Variants in DNHD1 observed in about 807,000 individuals in gnomAD.
The protein encoded by DNHD1 is dynein heavy chain domain 1.
DNHD1 carries 383 observed loss-of-function variants against 458.1 expected under a neutral mutation model. The observed-to-expected ratio is 0.84, with a 90% CI of 0.77 to 0.91. The LOEUF (loss-of-function observed/expected upper bound fraction) is 0.91, where lower values mean the gene tolerates loss of function less well. DNHD1 is among the 40% of genes least tolerant of loss of function. The pLI is 0.00. For synonymous variants in DNHD1, 2,203 were observed against 2,376.9 expected (o/e 0.93, Z 2.13); for missense variants, 5,336 against 5,866.1 (o/e 0.91, Z 2.95).
At position 6,545,139 on chromosome 11, in the gene DNHD1, AACTGGTGAGAAAAAC is replaced by A; in HGVS notation, c.4203_4217del (p.Gly1402_Thr1406del). The A allele has an allele frequency of 6.4e-7, 1 of 1,552,164 alleles. No homozygotes were observed. Among genetic ancestry groups the A allele is most frequent in the Non-Finnish European group, 8.7e-7 (1 of 1,147,106 alleles). ...ATGCTGTGAGCTTCAGGTCTTGCCC[AACTGGTGAGAAAAAC>A]ACAGATGACTGGGAGTCAAGCCCAA... On this transcript the variant is annotated inframe_deletion, in exon 21 of 43. Transcript: ENST00000254579. The surrounding 1 kb of genome is among the most constrained non-coding windows in gnomAD (Gnocchi z 4.9).
At chr11:6,551,301 A>G (rs1488510132) in intron 24 of DNHD1, among the ~76,000 whole-genome samples, 4 of 152,206 alleles carry the variant, frequency 2.6e-5, no homozygotes, top group African/African-American at 9.7e-5. Flanking sequence ...AAAACAAAAC[A>G]TATCAAAATT....
Position 6,547,132 on chromosome 11 carries a change from T to C in DNHD1, c.6193T>C (p.Cys2065Arg). Residue 2065 changes from cysteine (C) to arginine (R), a missense_variant, in exon 21 of 43, where the codon TGT becomes CGT. By Grantham distance (180) the Cys-to-Arg change is radical. Around this residue, in one of 4 missense-constraint regions of DNHD1, gnomAD observed 3,932 missense variants for 4,365.6 expected, o/e 0.90. Coordinates refer to ENST00000254579, the MANE Select transcript of DNHD1 (RefSeq NM_144666.3). ...FPKVLRAAGQCNNMGQKRQTE... is the reference protein window; with the variant it reads ...FPKVLRAAGQRNNMGQKRQTE... ...CAAGGTACTTCGTGCAGCCGGTCAG[T>C]GTAACAACATGGGCCAAAAGAGGCA... The C allele has an allele frequency of 6.4e-7, 1 of 1,551,694 alleles. No individual in the cohort carries two copies. Among genetic ancestry groups the C allele is most frequent in the Non-Finnish European group, 8.7e-7 (1 of 1,146,984 alleles).
In DNHD1 at chr11:6,557,576, A is replaced by C; in HGVS notation, c.8281A>C (p.Lys2761Gln). The C allele has an allele frequency of 6.4e-7, 1 of 1,551,788 alleles. No individual in the cohort carries two copies. Among genetic ancestry groups the C allele is most frequent in the Non-Finnish European group, 8.7e-7 (1 of 1,146,994 alleles). The change falls in exon 25 of 43, where the codon AAG (lysine) becomes CAG (glutamine). Residue 2761 changes from lysine to glutamine, a missense_variant. By Grantham distance (53) the Lys-to-Gln change is moderately conservative (BLOSUM62 1). This residue lies in a region of DNHD1 where 3,932 missense variants were observed against 4,365.6 expected (regional missense o/e 0.90). Transcript: ENST00000254579. ...PSIGPVSRGM[K>Q]ESISHKIRQE... ...CATAGGACCAGTAAGCAGGGGGATG[A>C]AGGAAAGCATAAGTCACAAGATAAG...
At position 6,544,630 on chromosome 11, in the gene DNHD1, G is replaced by C. The variant is rs1215834429; in HGVS notation, c.3811G>C (p.Val1271Leu). Residue 1271 changes from valine to leucine, a missense_variant, in exon 20 of 43, where the codon GTT becomes CTT. By Grantham distance (32) the Val-to-Leu change is conservative (BLOSUM62 1). Transcript: ENST00000254579. ...GCAGAAGTGGATTTTTCTGAATAAA[G>C]TTCTGCATGAGATGAAGATCCAGTT... ...FQQKWIFLNK[V>L]LHEMKIQFPN... 1 of 1,551,594 alleles carries C rather than the reference G, an allele frequency of 6.4e-7. No individual in the cohort carries two copies. The highest frequency in any genetic ancestry group is 2.4e-5 in the East Asian group (1 of 40,914).
At position 6,545,752 on chromosome 11, in the gene DNHD1, CTCAAG is replaced by C. The variant is rs1853198936; in HGVS notation, c.4815_4819del (p.Lys1606SerfsTer17). On this transcript the variant is annotated frameshift_variant, in exon 21 of 43. Transcript: ENST00000254579. This position sits in a 1 kb window ranked among gnomAD's most constrained non-coding sequence, Gnocchi z 4.9. ...CACAGACTTTCACTGGGTCCGCCAA[CTCAAG>C]TATCACTTGGGTTCACCTCACATAA... The C allele has an allele frequency of 1.3e-6, 2 of 1,551,644 alleles. No individual in the cohort carries two copies. Among genetic ancestry groups the C allele is most frequent in the Admixed American group, 2.0e-5 (1 of 50,996 alleles).
chr11:6,562,310 G>A (rs1287633119), intron 28 of DNHD1, among the ~76,000 whole-genome samples: 3 of 152,142 alleles, frequency 2.0e-5, no homozygotes, highest in South Asian at 2.1e-4. Context: ...AGCTGAGGAC[G>A]CATAACCAAT....
chr11:6,538,434 A>C lies in DNHD1; in HGVS notation c.3050A>C (p.Gln1017Pro). The change falls in exon 15 of 43, where the codon CAG becomes CCG. Residue 1017 changes from glutamine to proline, a missense_variant. Gln to Pro is a moderately conservative substitution (Grantham distance 76, BLOSUM62 -1). This residue lies in a region of DNHD1 where 3,932 missense variants were observed against 4,365.6 expected (regional missense o/e 0.90). Transcript: ENST00000254579. ...LPICGTRPIV[Q>P]QQRIWHLYRV... is the part of the protein sequence containing the mutation. The stretch of plus-strand genomic sequence containing the variant: ...ATCTGTGGGACACGTCCTATTGTGC[A>C]GCAGCAGCGCATATGGCACCTGTAC... 6.4e-7 allele frequency: 1 copy of C among 1,551,762 alleles called. No homozygotes were observed.
chr11:6,569,017 G>A (rs1330999611), intron 39 of DNHD1, 151 bp downstream of exon 39: 1 of 563,002 alleles, frequency 1.8e-6, no homozygotes, highest in Admixed American at 6.4e-5. Context: ...CAAAGACTTT[G>A]AGATTTTACT....
intron 14 of DNHD1, among the ~76,000 whole-genome samples, chr11:6,537,521 T>C (rs1852979361): frequency 6.7e-6 from 1 of 149,566 alleles, no homozygotes; most frequent in Non-Finnish European, 1.5e-5. Flanking sequence ...CTGTAGTATA[T>C]AAGAAAGTGA....
intron 3 of DNHD1, among the ~76,000 whole-genome samples, chr11:6,499,862 G>A (rs1852100131): frequency 6.6e-6 from 1 of 151,452 alleles, no homozygotes; most frequent in African/African-American, 2.4e-5. Flanking sequence ...CACTGCGCCC[G>A]GCCCTATTGT....
intron 28 of DNHD1, among the ~76,000 whole-genome samples, chr11:6,562,029 G>C (rs571268539): frequency 6.6e-6 from 1 of 152,358 alleles, no homozygotes; most frequent in African/African-American, 2.4e-5. Flanking sequence ...GGAATAAAAG[G>C]AGGGAAGTAA....
chr11:6,543,285 C>A (rs1197116755), intron 18 of DNHD1, among the ~76,000 whole-genome samples: 1 of 152,182 alleles, frequency 6.6e-6, no homozygotes, highest in African/African-American at 2.4e-5. Context: ...TACCTCATTT[C>A]CAGCCCTAGT....
Position 6,563,055 on chromosome 11 carries a change from A to G in DNHD1, c.9593A>G (p.His3198Arg). 6.4e-7 allele frequency: 1 copy of G among 1,551,668 alleles called. No individual in the cohort carries two copies. Among genetic ancestry groups the G allele is most frequent in the Non-Finnish European group, 8.7e-7 (1 of 1,146,992 alleles). ...AAGCAGCAGCTGGAAGAGTGTCGGC[A>G]TCAAGAGAACCTCATTGAGAACCTG... is the stretch of plus-strand genomic sequence containing the variant. ...LYKQQLEECRHQENLIENLAR... is the reference protein window; with the variant it reads ...LYKQQLEECRRQENLIENLAR... Residue 3198 changes from histidine to arginine, a missense_variant, in exon 29 of 43, where the codon CAT becomes CGT. This residue lies in a region of DNHD1 where 3,932 missense variants were observed against 4,365.6 expected (regional missense o/e 0.90). Transcript: ENST00000254579.
rs140872512 is a variant in DNHD1 at position 6,498,331 on chromosome 11, A to G, written c.116A>G (p.Gln39Arg). 1.3e-3 allele frequency: 2,170 copies of G among 1,614,246 alleles called. 9 individuals are homozygous for G. Among genetic ancestry groups the G allele is most frequent in the South Asian group, 7.6e-3 (689 of 91,092 alleles). Residue 39 changes from glutamine (Q) to arginine (R), a missense_variant, in exon 3 of 43, where the codon CAG becomes CGG. Physicochemically the swap from Gln to Arg is conservative, Grantham distance 43. Coordinates refer to ENST00000254579, the MANE Select transcript of DNHD1 (RefSeq NM_144666.3). ...AGCAAAGAACAGCCCTTGGCCTGCC[A>G]GCAGAAACAGAGGCAGTTCGTGAAG... ...LDSKEQPLACQQKQRQFVKPV... is the reference protein window; with the variant it reads ...LDSKEQPLACRQKQRQFVKPV...
chr11:6,526,353 A>G (rs958011920), intron 10 of DNHD1, among the ~76,000 whole-genome samples: 3 of 150,200 alleles, frequency 2.0e-5, no homozygotes, highest in African/African-American at 4.9e-5. Context: ...TCATTTTTCT[A>G]TTGTCTTTTA....
intron 7 of DNHD1, among the ~76,000 whole-genome samples, chr11:6,516,928 AT>A (rs1364429599): frequency 6.6e-6 from 1 of 152,138 alleles, no homozygotes; most frequent in African/African-American, 2.4e-5. Context: ...TGTTATGAAC[AT>A]TCTTGTTTTA....
chr11:6,563,926 C>T lies in DNHD1; in HGVS notation c.10086C>T (p.Ala3362=). 1 of 1,551,684 alleles carries T rather than the reference C, an allele frequency of 6.4e-7. No homozygotes were observed. Among genetic ancestry groups the T allele is most frequent in the Non-Finnish European group, 8.7e-7 (1 of 1,147,004 alleles). Reference sequence around the variant, plus strand: ...AGGCAACACTCACTCGGGAGCAGGCCCGCCTGGGCTACTACCAGTTTCAGG... The same window carrying T: ...AGGCAACACTCACTCGGGAGCAGGCTCGCCTGGGCTACTACCAGTTTCAGG... ...QVEATLTREQ[A]RLGYYQFQAQ... is the part of the protein sequence containing the mutation. The change falls in exon 31 of 43, where the codon GCC becomes GCT. Residue 3362 remains alanine (A), a synonymous_variant. Transcript: ENST00000254579.
Position 6,565,957 on chromosome 11 carries a change from G to C in DNHD1, c.11019G>C (p.Glu3673Asp). The C allele has an allele frequency of 6.4e-7, 1 of 1,551,678 alleles. No individual in the cohort carries two copies. Among genetic ancestry groups the C allele is most frequent in the Non-Finnish European group, 8.7e-7 (1 of 1,146,982 alleles). The part of the protein sequence containing the change: ...YLSVLSGADP[E>D]LGSQLQEAAA... ...GTGTTCTTTCAGGTGCTGACCCAGA[G>C]CTGGGTTCTCAGCTCCAGGAGGCAG... The change falls in exon 33 of 43, where the codon GAG (glutamate) becomes GAC (aspartate). Residue 3673 changes from glutamate (E) to aspartate (D), a missense_variant. By Grantham distance (45) the Glu-to-Asp change is conservative. This residue lies in a region of DNHD1 where 695 missense variants were observed against 804.2 expected (regional missense o/e 0.86). Coordinates refer to ENST00000254579, the MANE Select transcript of DNHD1 (RefSeq NM_144666.3).
chr11:6,564,469 A>C lies in DNHD1; in HGVS notation c.10421A>C (p.Gln3474Pro). The C allele has an allele frequency of 6.4e-7, 1 of 1,551,682 alleles. No individual in the cohort carries two copies. The highest frequency in any genetic ancestry group is 1.2e-5 in the South Asian group (1 of 84,056). The change falls in exon 32 of 43, where the codon CAG becomes CCG. Residue 3474 changes from glutamine (Q) to proline (P), a missense_variant. Around this residue, in one of 4 missense-constraint regions of DNHD1, gnomAD observed 3,932 missense variants for 4,365.6 expected, o/e 0.90. Coordinates refer to ENST00000254579, the MANE Select transcript of DNHD1 (RefSeq NM_144666.3). Reference sequence around the variant, plus strand: ...TGGTTAGCTCTGTGTAGGGGCTTTCAGGAGGCTCTGGGCCCAGATGATGTG... The same window carrying C: ...TGGTTAGCTCTGTGTAGGGGCTTTCCGGAGGCTCTGGGCCCAGATGATGTG... ...DEWLALCRGF[Q>P]EALGPDDVAQ...
Sources: allele counts gnomAD v4.1 joint callset (sites outside exome capture counted in the v4.1 genomes callset), GRCh38; gene constraint gnomAD v4.1.1; regional missense constraint gnomAD v4.1.1; non-coding constraint Gnocchi (gnomAD v3.1); transcripts MANE v1.5; gene names NCBI Gene and HGNC (gene_info 2026-07-23, HGNC 2026-07-21).